The following KCNQ3 variants were observed in gnomAD, a reference collection of about 807,000 sequenced individuals.
KCNQ3 encodes the protein potassium voltage-gated channel subfamily Q member 3, also known as potassium voltage-gated channel subfamily KQT member 3.
KCNQ3 carries 30 observed loss-of-function variants against 92.5 expected under a neutral mutation model. That is an observed-to-expected ratio of 0.32 (90% CI 0.24 to 0.44). The LOEUF (loss-of-function observed/expected upper bound fraction) is 0.44, where lower values mean the gene tolerates loss of function less well. KCNQ3 is among the 20% of genes least tolerant of loss of function. The pLI is 1.00. For synonymous variants in KCNQ3, 450 were observed against 468.8 expected, an observed-to-expected ratio of 0.96 and a Z score of 0.52; for missense variants, 913 against 1,140.3, an observed-to-expected ratio of 0.80 and a Z score of 2.87.
At chr8:132,217,416 A>G (rs978003019) in intron 1 of KCNQ3, among the ~76,000 whole-genome samples, 2 of 152,260 alleles carry the variant, frequency 1.3e-5, no homozygotes, top group Middle Eastern at 3.4e-3. Context: ...GCCCATATAA[A>G]ACACTGAGAG....
At position 132,387,975 on chromosome 8, in the gene KCNQ3, AGAAGAGGAAGAG is replaced by A. The variant is rs142079064; in HGVS notation, c.386+92160_386+92171del. 2.7e-5 allele frequency among the ~76,000 whole-genome samples: 4 copies of A among 150,314 alleles called. No homozygotes were observed. The South Asian group carries it at 8.5e-4, about 32-fold the overall frequency. ...AAGGAGAAGAAGAAGAAGAAGGAGGAGAAGAGGAAGAGGAAGAGGAAGAAGAAGAAGAGGAAG... is the reference window on the plus strand; with the variant it reads ...AAGGAGAAGAAGAAGAAGAAGGAGGAGAAGAGGAAGAAGAAGAAGAGGAAG... On this transcript the variant is annotated intron_variant, in intron 1 of 14. Coordinates refer to ENST00000388996, the MANE Select transcript of KCNQ3 (RefSeq NM_004519.4).
intron 13 of KCNQ3, among the ~76,000 whole-genome samples, chr8:132,134,089 T>C (rs1339934628): frequency 1.3e-5 from 2 of 152,204 alleles, no homozygotes; most frequent in Non-Finnish European, 2.9e-5. Flanking sequence ...ATCCACATGG[T>C]CTGGGAAGAG....
chr8:132,254,726 A>G (rs542454412), intron 1 of KCNQ3, among the ~76,000 whole-genome samples: 1 of 152,284 alleles, frequency 6.6e-6, no homozygotes, highest in South Asian at 2.1e-4. Flanking sequence ...TAAAAATACA[A>G]AAATTAGCTG....
At chr8:132,156,855 C>CCTT (rs2130044063) in intron 9 of KCNQ3, among the ~76,000 whole-genome samples, 1 of 152,138 alleles carries the variant, frequency 6.6e-6, no homozygotes, top group African/African-American at 2.4e-5. Flanking sequence ...ATGACTGTTG[C>CCTT]CTTTATAAGA....
chr8:132,175,615 G>T lies in KCNQ3; in HGVS notation c.778-7C>A, dbSNP rs1204402072. The T allele has an allele frequency of 2.5e-6, 4 of 1,613,616 alleles. No individual in the cohort carries two copies. The highest frequency in any genetic ancestry group is 3.4e-6 in the Non-Finnish European group (4 of 1,179,804). ...ACCAGGCCGTGATGAGTTCCTGAAA[G>T]AATGAACAGTGGACATGAAAAGTGG... On this transcript the variant is annotated splice_polypyrimidine_tract_variant and splice_region_variant and intron_variant, in intron 4 of 14. Transcript: ENST00000388996.
At position 132,413,653 on chromosome 8, in the gene KCNQ3, G is replaced by A. The variant is rs981281603; in HGVS notation, c.386+66494C>T. ...TCCCAGGAGACTTGTGTGCTGCAAT[G>A]GTTAAAAAACGTTGTCAGACGTTGT... On this transcript the variant is annotated intron_variant, in intron 1 of 14. Coordinates refer to ENST00000388996, the MANE Select transcript of KCNQ3 (RefSeq NM_004519.4). Among the ~76,000 whole-genome samples the A allele has an allele frequency of 3.9e-5, 6 of 152,176 alleles. No homozygotes were observed. In the East Asian group the frequency reaches 5.8e-4, roughly 15 times the overall value.
chr8:132,271,971 A>C (rs1816160754), intron 1 of KCNQ3, among the ~76,000 whole-genome samples: 1 of 152,134 alleles, frequency 6.6e-6, no homozygotes, highest in Non-Finnish European at 1.5e-5. Flanking sequence ...AAAGAAACTG[A>C]CCTGACAGAG....
At chr8:132,173,443 A>T (rs1183256255) in intron 6 of KCNQ3, among the ~76,000 whole-genome samples, 1 of 152,232 alleles carries the variant, frequency 6.6e-6, no homozygotes, top group Non-Finnish European at 1.5e-5. Flanking sequence ...TTGTTACTTA[A>T]AAGTTTTTTT....
At chr8:132,216,508 A>G (rs896530109) in intron 1 of KCNQ3, among the ~76,000 whole-genome samples, 1 of 152,186 alleles carries the variant, frequency 6.6e-6, no homozygotes, top group African/African-American at 2.4e-5. Context: ...GGAGGGACGC[A>G]GCCTCCCACC....
intron 1 of KCNQ3, among the ~76,000 whole-genome samples, chr8:132,358,145 T>C (rs998580432): frequency 6.6e-6 from 1 of 152,210 alleles, no homozygotes; most frequent in Non-Finnish European, 1.5e-5. Context: ...ATAAAGGAGA[T>C]ATTCAGTGAA....
intron 1 of KCNQ3, among the ~76,000 whole-genome samples, chr8:132,455,754 T>G (rs1331932692): frequency 6.6e-6 from 1 of 152,150 alleles, no homozygotes; most frequent in African/African-American, 2.4e-5. Context: ...TTTTGTTTGT[T>G]TGTTTGAGAC....
intron 1 of KCNQ3, among the ~76,000 whole-genome samples, chr8:132,203,993 T>C (rs1367297455): frequency 6.6e-6 from 1 of 152,216 alleles, no homozygotes; most frequent in African/African-American, 2.4e-5. Flanking sequence ...TCATTGTCTT[T>C]CAGATACCAT....
intron 1 of KCNQ3, among the ~76,000 whole-genome samples, chr8:132,194,181 C>T (rs939870394): frequency 6.6e-5 from 10 of 152,292 alleles, no homozygotes; most frequent in Non-Finnish European, 8.8e-5. Flanking sequence ...TTTTTCCTAG[C>T]TAGGTGAAGG....
intron 1 of KCNQ3, among the ~76,000 whole-genome samples, chr8:132,425,901 C>T: frequency 6.6e-6 from 1 of 152,212 alleles, no homozygotes; most frequent in East Asian, 1.9e-4. Flanking sequence ...AAGACAAAGC[C>T]TGAATTAATT....
intron 1 of KCNQ3, among the ~76,000 whole-genome samples, chr8:132,458,949 C>T (rs975975666): frequency 1.3e-5 from 2 of 152,074 alleles, no homozygotes; most frequent in African/African-American, 4.8e-5. Context: ...TACTTAATAC[C>T]CTCTTTTCTC....
At chr8:132,438,413 T>A (rs1283284696) in intron 1 of KCNQ3, among the ~76,000 whole-genome samples, 1 of 152,050 alleles carries the variant, frequency 6.6e-6, no homozygotes, top group Non-Finnish European at 1.5e-5. Context: ...TCCTTCTATC[T>A]GAGGAACTTA....
chr8:132,191,779 G>A (rs1375324287), intron 1 of KCNQ3, among the ~76,000 whole-genome samples: 1 of 151,982 alleles, frequency 6.6e-6, no homozygotes, highest in Non-Finnish European at 1.5e-5. Context: ...CTGGAGAGAT[G>A]ACAAGGGTCC....
At chr8:132,225,546 C>T (rs1814384062) in intron 1 of KCNQ3, among the ~76,000 whole-genome samples, 2 of 152,206 alleles carry the variant, frequency 1.3e-5, no homozygotes, top group African/African-American at 4.8e-5. Context: ...CTTATATATG[C>T]TACCAAGAGG....
intron 1 of KCNQ3, among the ~76,000 whole-genome samples, chr8:132,275,060 G>T (rs1014978401): frequency 3.9e-5 from 6 of 152,308 alleles, no homozygotes; most frequent in African/African-American, 1.2e-4. Flanking sequence ...GGCGTGGGGA[G>T]GTGTCAGCAG....
Sources: allele counts gnomAD v4.1 joint callset (sites outside exome capture counted in the v4.1 genomes callset), GRCh38; gene constraint gnomAD v4.1.1; transcripts MANE v1.5; gene names NCBI Gene and HGNC (gene_info 2026-07-23, HGNC 2026-07-21).